STK32B: variants seen among roughly 807,000 people sequenced by gnomAD.
STK32B encodes serine/threonine kinase 32B.
Under a neutral mutation model 52.6 loss-of-function variants are expected in STK32B, and 43 were observed. The ratio of observed to expected loss-of-function variants is 0.82; its 90% CI spans 0.64 to 1.05. The LOEUF (loss-of-function observed/expected upper bound fraction) is 1.05. Among genes scored for constraint, STK32B ranks in the 50% least tolerant of loss-of-function variants. STK32B has a pLI of 0.00. For missense variants in STK32B, 621 were observed against 534.6 expected (o/e 1.16, Z -1.59); for synonymous variants, 238 against 204.3 (o/e 1.17, Z -1.41).
intron 3 of STK32B, among the ~76,000 whole-genome samples, chr4:5,274,159 A>G (rs1727644067): frequency 6.6e-6 from 1 of 152,206 alleles, no homozygotes; most frequent in Admixed American, 6.5e-5. Flanking sequence ...GTGGAAATGC[A>G]AAAGACCTGG....
chr4:5,229,934 C>G (rs554002466), intron 3 of STK32B, among the ~76,000 whole-genome samples: 3 of 152,118 alleles, frequency 2.0e-5, no homozygotes, highest in South Asian at 2.1e-4. Context: ...GTTCTGAGAA[C>G]AATCTGAGAT....
chr4:5,493,442 T>C (rs1213037706), intron 11 of STK32B, among the ~76,000 whole-genome samples: 1 of 152,220 alleles, frequency 6.6e-6, no homozygotes, highest in African/African-American at 2.4e-5. Context: ...TATCATTTTT[T>C]ATTGCGTGTA....
intron 3 of STK32B, among the ~76,000 whole-genome samples, chr4:5,174,735 T>C (rs924939556): frequency 5.3e-5 from 8 of 151,700 alleles, no homozygotes; most frequent in Non-Finnish European, 1.0e-4. Context: ...GCCCTTAACA[T>C]TTTTTCCTTC....
Position 5,339,414 on chromosome 4 carries a change from C to T in STK32B, c.434+8021C>T, listed in dbSNP as rs534559639. Among the ~76,000 whole-genome samples the T allele has an allele frequency of 5.3e-5, 8 of 152,272 alleles. No homozygotes were observed. In the South Asian group the frequency reaches 1.7e-3, roughly 32 times the overall value. On this transcript the variant is annotated intron_variant, in intron 4 of 11. Transcript: ENST00000282908. ...AGATTTGAGTCAGCGTTTTTTACCTCCTTTCTTATGGTTCATAAATCCCCC... is the reference window on the plus strand; with the variant it reads ...AGATTTGAGTCAGCGTTTTTTACCTTCTTTCTTATGGTTCATAAATCCCCC...
At chr4:5,273,654 A>G (rs1278931283) in intron 3 of STK32B, among the ~76,000 whole-genome samples, 23 of 60,904 alleles carry the variant, frequency 3.8e-4, no homozygotes, top group African/African-American at 1.7e-3. Flanking sequence ...ATGGAATACT[A>G]TGCAGCCATA....
chr4:5,298,548 G>A (rs1398061681), intron 3 of STK32B, among the ~76,000 whole-genome samples: 3 of 152,128 alleles, frequency 2.0e-5, no homozygotes, highest in South Asian at 2.1e-4. Flanking sequence ...AGTGGGTTCC[G>A]CTCAGTCTGA....
intron 2 of STK32B, among the ~76,000 whole-genome samples, chr4:5,141,092 GAATT>G (rs1281624721): frequency 1.3e-5 from 2 of 152,260 alleles, no homozygotes; most frequent in East Asian, 3.9e-4. Context: ...ATTTAAATTT[GAATT>G]AATTAACATT....
intron 11 of STK32B, among the ~76,000 whole-genome samples, chr4:5,496,552 C>T (rs945788139): frequency 6.7e-6 from 1 of 148,266 alleles, no homozygotes; most frequent in Non-Finnish European, 1.5e-5. Flanking sequence ...CCTTGCCCTG[C>T]ACCCACTGTC....
intron 3 of STK32B, among the ~76,000 whole-genome samples, chr4:5,268,538 G>GGTGTGT (rs10593272): frequency 1.1e-3 from 153 of 140,188 alleles, no homozygotes; most frequent in East Asian, 2.2e-3. Flanking sequence ...TGCTTGGTGT[G>GGTGTGT]GTGTGTGTGT....
intron 3 of STK32B, among the ~76,000 whole-genome samples, chr4:5,206,270 C>A (rs73081607): frequency 1.5e-4 from 23 of 152,150 alleles, no homozygotes. Context: ...TCTTCCTTTT[C>A]ACTCCTGATT....
chr4:5,262,709 A>T (rs999344473), intron 3 of STK32B, among the ~76,000 whole-genome samples: 10 of 152,138 alleles, frequency 6.6e-5, no homozygotes, highest in Non-Finnish European at 1.5e-4. Flanking sequence ...TTTTTAAAGC[A>T]TATTAAAACA....
intron 1 of STK32B, among the ~76,000 whole-genome samples, chr4:5,129,877 T>G (rs534848420): frequency 6.6e-4 from 101 of 152,322 alleles, no homozygotes; most frequent in Admixed American, 2.3e-3. Flanking sequence ...TCACTTGTTC[T>G]TTCTTTTTTT....
Position 5,126,264 on chromosome 4 carries a change from C to G in STK32B, c.53-13641C>G, listed in dbSNP as rs141778738. Among the ~76,000 whole-genome samples, 5 of 152,270 alleles carry G rather than the reference C, an allele frequency of 3.3e-5. No homozygotes were observed. In the East Asian group the frequency reaches 9.6e-4, roughly 29 times the overall value. ...CTCCTCTTAGGATAGTCCTTGTGCC[C>G]TTTATCTCCATCCCTTCTTGTCATT... On this transcript the variant is annotated intron_variant, in intron 1 of 11. Transcript: ENST00000282908.
chr4:5,211,155 T>C (rs1035401321), intron 3 of STK32B, among the ~76,000 whole-genome samples: 4 of 152,164 alleles, frequency 2.6e-5, no homozygotes, highest in African/African-American at 9.7e-5. Context: ...TACCAAAAGC[T>C]CTGAGAATTC....
At chr4:5,363,607 G>T (rs1333277776) in intron 4 of STK32B, among the ~76,000 whole-genome samples, 1 of 152,182 alleles carries the variant, frequency 6.6e-6, no homozygotes, top group African/African-American at 2.4e-5. Flanking sequence ...GGCCACAATA[G>T]AATGACTTTT....
At chr4:5,204,374 A>G (rs1470026960) in intron 3 of STK32B, 1 of 152,914 alleles carries the variant, frequency 6.5e-6, no homozygotes, top group Non-Finnish European at 1.5e-5. Context: ...AGGGACAGTG[A>G]CAAGACAACA....
At chr4:5,188,760 GGAT>G (rs997864934) in intron 3 of STK32B, among the ~76,000 whole-genome samples, 2 of 150,904 alleles carry the variant, frequency 1.3e-5, no homozygotes, top group Non-Finnish European at 2.9e-5. Context: ...CTCTCCATGA[GGAT>G]GATAACTGCC....
intron 2 of STK32B, among the ~76,000 whole-genome samples, chr4:5,160,129 A>G (rs1191401799): frequency 6.6e-6 from 1 of 152,168 alleles, no homozygotes; most frequent in African/African-American, 2.4e-5. Flanking sequence ...TCTGGGCACC[A>G]TGGTGCAGCC....
chr4:5,321,015 A>T (rs909155409), intron 3 of STK32B, among the ~76,000 whole-genome samples: 5 of 152,182 alleles, frequency 3.3e-5, no homozygotes, highest in African/African-American at 1.2e-4. Context: ...AAGAGTATGC[A>T]CTGTGTAGTT....
Sources: allele counts gnomAD v4.1 joint callset (sites outside exome capture counted in the v4.1 genomes callset), GRCh38; gene constraint gnomAD v4.1.1; transcripts MANE v1.5; gene names NCBI Gene and HGNC (gene_info 2026-07-23, HGNC 2026-07-21).